The following HECW2 variants were observed in gnomAD, a reference collection of about 807,000 sequenced individuals.
The protein encoded by HECW2 is E3 ubiquitin-protein ligase HECW2.
A neutral mutation model predicts 175.2 loss-of-function variants in HECW2; 61 were observed. That is an observed-to-expected ratio of 0.35 (90% CI 0.28 to 0.43). The LOEUF is 0.43. Among genes scored for constraint, HECW2 ranks in the 20% least tolerant of loss-of-function variants. The pLI is 1.00. For synonymous variants in HECW2, 671 were observed against 731.0 expected (o/e 0.92, Z 1.32); for missense variants, 1,524 against 2,000.5 (o/e 0.76, Z 4.54).
chr2:196,310,767 T>TG (rs1245252494), intron 10 of HECW2, among the ~76,000 whole-genome samples: 7 of 132,274 alleles, frequency 5.3e-5, no homozygotes, highest in East Asian at 2.3e-4. Flanking sequence ...GAGCAACGAT[T>TG]TTGTGTGTGT....
intron 1 of HECW2, among the ~76,000 whole-genome samples, chr2:196,555,136 C>T (rs574759700): frequency 1.3e-5 from 2 of 152,226 alleles, no homozygotes; most frequent in East Asian, 1.9e-4. Context: ...GAAGAAAAAA[C>T]AAGCAATTTT....
chr2:196,283,148 GC>G (rs547771229), intron 14 of HECW2, among the ~76,000 whole-genome samples: 105 of 149,976 alleles, frequency 7.0e-4, no homozygotes, highest in African/African-American at 2.5e-3. Context: ...TGTAGTCCCA[GC>G]TACTCGGGAG....
At chr2:196,453,338 T>C (rs905563506) in intron 1 of HECW2, among the ~76,000 whole-genome samples, 5 of 152,196 alleles carry the variant, frequency 3.3e-5, no homozygotes, top group African/African-American at 1.2e-4. Flanking sequence ...CGCAGCCAAC[T>C]ACATTAGTTT....
At chr2:196,431,827 G>C (rs184071212) in intron 2 of HECW2, among the ~76,000 whole-genome samples, 4 of 152,076 alleles carry the variant, frequency 2.6e-5, no homozygotes, top group Non-Finnish European at 5.9e-5. Context: ...TTAAAGCTTT[G>C]CCCAGTTTAG....
chr2:196,275,515 T>A (rs574048373), intron 15 of HECW2, among the ~76,000 whole-genome samples: 109 of 152,174 alleles, frequency 7.2e-4, no homozygotes, highest in African/African-American at 2.0e-3. Flanking sequence ...GCACTTTGGG[T>A]GGCCAAGGCG....
intron 1 of HECW2, among the ~76,000 whole-genome samples, chr2:196,529,969 A>C (rs1459983460): frequency 1.3e-5 from 2 of 152,186 alleles, no homozygotes; most frequent in African/African-American, 4.8e-5. Flanking sequence ...ATGTTGGCCT[A>C]CTCAGTATTC....
At chr2:196,573,869 AC>A (rs574451596) in intron 1 of HECW2, among the ~76,000 whole-genome samples, 47 of 147,554 alleles carry the variant, frequency 3.2e-4, no homozygotes, top group African/African-American at 1.1e-3. Flanking sequence ...AACAACAACA[AC>A]AAAAAAAAAA....
At position 196,274,096 on chromosome 2, in the gene HECW2, G is replaced by A. The variant is rs1689849269; in HGVS notation, c.3163C>T (p.Pro1055Ser). The change falls in exon 16 of 29, where the codon CCA becomes TCA. Residue 1055 changes from proline (P) to serine (S), a missense_variant. Coordinates refer to ENST00000644978, the MANE Select transcript of HECW2 (RefSeq NM_001348768.2). ...CTGGATGGCCTGGGAAGAACTGGTG[G>A]TCCTGCATGTCGAGAATCTTCTCCT... ...EVGEDSRHAG[P>S]PVLPRPSSTF... 6.2e-7 allele frequency: 1 copy of A among 1,614,000 alleles called. No homozygotes were observed. The highest frequency in any genetic ancestry group is 8.5e-7 in the Non-Finnish European group (1 of 1,179,864).
At chr2:196,431,480 T>C (rs1427129788) in intron 2 of HECW2, among the ~76,000 whole-genome samples, 2 of 152,186 alleles carry the variant, frequency 1.3e-5, no homozygotes, top group South Asian at 4.1e-4. Context: ...ATAAATATCA[T>C]AAAAGGATTT....
chr2:196,497,231 C>T lies in HECW2; in HGVS notation c.-35-63773G>A, dbSNP rs547057256. Among the ~76,000 whole-genome samples the T allele has an allele frequency of 3.9e-5, 6 of 152,292 alleles. No homozygotes were observed. The South Asian group carries it at 1.2e-3, about 32-fold the overall frequency. ...AGATTTCCTAAGGTAACTTGTATTTCCTGGTCTCTTTTTCTGCTGGACTTT... is the reference window on the plus strand; with the variant it reads ...AGATTTCCTAAGGTAACTTGTATTTTCTGGTCTCTTTTTCTGCTGGACTTT... On this transcript the variant is annotated intron_variant, in intron 1 of 28. Transcript: ENST00000644978.
At chr2:196,508,339 G>A (rs1687837636) in intron 1 of HECW2, among the ~76,000 whole-genome samples, 1 of 152,200 alleles carries the variant, frequency 6.6e-6, no homozygotes, top group Non-Finnish European at 1.5e-5. Context: ...AACAGGCTGA[G>A]TATTTCCATC....
At chr2:196,442,715 G>A (rs1455706686) in intron 1 of HECW2, among the ~76,000 whole-genome samples, 2 of 152,040 alleles carry the variant, frequency 1.3e-5, no homozygotes, top group Admixed American at 1.3e-4. Flanking sequence ...ATTAAATTGT[G>A]TTAATAACAC....
chr2:196,342,668 T>C (rs1692799948), intron 3 of HECW2, among the ~76,000 whole-genome samples: 1 of 152,090 alleles, frequency 6.6e-6, no homozygotes, highest in African/African-American at 2.4e-5. Context: ...CTGAATTAAT[T>C]AGGTAATAGT....
At chr2:196,508,334 G>A (rs1418027878) in intron 1 of HECW2, among the ~76,000 whole-genome samples, 3 of 152,186 alleles carry the variant, frequency 2.0e-5, no homozygotes, top group African/African-American at 7.2e-5. Flanking sequence ...AGACAAACAG[G>A]CTGAGTATTT....
intron 28 of HECW2, among the ~76,000 whole-genome samples, chr2:196,209,588 T>C (rs1024880670): frequency 6.6e-6 from 1 of 152,146 alleles, no homozygotes; most frequent in Non-Finnish European, 1.5e-5. Flanking sequence ...CAGACCACTG[T>C]ATGAGAATCT....
At chr2:196,503,304 C>T (rs925091950) in intron 1 of HECW2, among the ~76,000 whole-genome samples, 5 of 152,140 alleles carry the variant, frequency 3.3e-5, no homozygotes, top group African/African-American at 7.2e-5. Flanking sequence ...AGGGCACGGG[C>T]TCCAGGTGCA....
intron 28 of HECW2, among the ~76,000 whole-genome samples, chr2:196,214,581 C>G (rs1449851930): frequency 2.0e-5 from 3 of 152,150 alleles, no homozygotes; most frequent in African/African-American, 7.2e-5. Flanking sequence ...ATAATGAAAT[C>G]AAATAATGAA....
At chr2:196,560,959 T>C (rs142959675) in intron 1 of HECW2, among the ~76,000 whole-genome samples, 1 of 152,284 alleles carries the variant, frequency 6.6e-6, no homozygotes, top group East Asian at 1.9e-4. Context: ...GTAAAGCATG[T>C]GTGTTTGAAC....
intron 1 of HECW2, among the ~76,000 whole-genome samples, chr2:196,514,671 G>A (rs1248400448): frequency 1.3e-5 from 2 of 152,182 alleles, no homozygotes; most frequent in African/African-American, 4.8e-5. Context: ...GGCAGATGAT[G>A]GAACAACCCC....
Sources: allele counts gnomAD v4.1 joint callset (sites outside exome capture counted in the v4.1 genomes callset), GRCh38; gene constraint gnomAD v4.1.1; transcripts MANE v1.5; gene names NCBI Gene and HGNC (gene_info 2026-07-23, HGNC 2026-07-21).